CLCN3: variants seen among roughly 807,000 people sequenced by gnomAD.
CLCN3 encodes Cl-/H+ antiporter 3.
Under a neutral mutation model 83.4 loss-of-function variants are expected in CLCN3, and 16 were observed. That is an observed-to-expected ratio of 0.19 (90% CI 0.13 to 0.29). The LOEUF (loss-of-function observed/expected upper bound fraction) is 0.29. CLCN3 is among the 10% of genes least tolerant of loss of function. The probability of loss-of-function intolerance (pLI) is 1.00; values close to 1 mark genes in which losing one functional copy is unlikely to be tolerated. For missense variants in CLCN3, 544 were observed against 1,006.0 expected, an observed-to-expected ratio of 0.54 and a Z score of 6.21; for synonymous variants, 322 against 346.2, an observed-to-expected ratio of 0.93 and a Z score of 0.78.
At chr4:169,634,394 T>C (rs1481787268) in intron 1 of CLCN3, among the ~76,000 whole-genome samples, 1 of 152,256 alleles carries the variant, frequency 6.6e-6, no homozygotes, top group Non-Finnish European at 1.5e-5. Flanking sequence ...AATTAAATGA[T>C]TCTTAAGCTA....
At position 169,690,511 on chromosome 4, in the gene CLCN3, C is replaced by A; in HGVS notation, c.607-19C>A. The A allele has an allele frequency of 1.9e-6, 3 of 1,599,950 alleles. No individual in the cohort carries two copies. Among genetic ancestry groups the A allele is most frequent in the South Asian group, 2.3e-5 (2 of 88,226 alleles). On this transcript the variant is annotated intron_variant, in intron 5 of 12. Coordinates refer to ENST00000513761, the MANE Select transcript of CLCN3 (RefSeq NM_001829.4). ...GCAATGTAAATTAAATTCATACTCT[C>A]GAACTATTTTCTTTTTAGGGTCCTG... is the stretch of plus-strand genomic sequence containing the variant.
In CLCN3 at chr4:169,721,082, C is replaced by A. The variant is rs1462750906; in HGVS notation, c.*1085C>A. 2 of 152,244 alleles carry A rather than the reference C, an allele frequency of 1.3e-5. No individual in the cohort carries two copies. The highest frequency in any genetic ancestry group is 4.8e-5 in the African/African-American group (2 of 41,440). 9.4% of individuals were successfully genotyped at this position (152,244 alleles called of 1,614,324 possible). ...TTGAAATTAGATCAGTCATTCTTTT[C>A]TTTTCTCAAGATATCTCATGGCTGA... On this transcript the variant is annotated 3_prime_UTR_variant, in exon 13 of 13. Transcript: ENST00000513761.
At chr4:169,650,368 G>A (rs547386187) in intron 2 of CLCN3, among the ~76,000 whole-genome samples, 9 of 152,044 alleles carry the variant, frequency 5.9e-5, no homozygotes, top group Non-Finnish European at 1.2e-4. Context: ...CTTTGCTACA[G>A]AGTTTCAAAG....
At chr4:169,623,812 C>T (rs563011305) in intron 1 of CLCN3, among the ~76,000 whole-genome samples, 10 of 152,080 alleles carry the variant, frequency 6.6e-5, no homozygotes, top group African/African-American at 2.4e-4. Context: ...TTATGTCCTC[C>T]GGGTTAATCT....
At chr4:169,716,643 T>G (rs1733432469) in intron 12 of CLCN3, among the ~76,000 whole-genome samples, 1 of 152,164 alleles carries the variant, frequency 6.6e-6, no homozygotes, top group African/African-American at 2.4e-5. Flanking sequence ...TGAGAACTTT[T>G]AAGGATCGAT....
At chr4:169,697,883 G>C in intron 9 of CLCN3, 149 bp downstream of exon 9, 1 of 631,736 alleles carries the variant, frequency 1.6e-6, no homozygotes, top group East Asian at 2.7e-5. Context: ...TAATTCCTTA[G>C]CATATATTGT....
intron 2 of CLCN3, among the ~76,000 whole-genome samples, chr4:169,679,324 A>T (rs1320879164): frequency 6.7e-6 from 1 of 149,954 alleles, no homozygotes; most frequent in African/African-American, 2.5e-5. Flanking sequence ...CTCACTTCCT[A>T]GACGGGATGG....
intron 3 of CLCN3, among the ~76,000 whole-genome samples, chr4:169,681,003 C>T (rs1731915367): frequency 6.6e-6 from 1 of 152,138 alleles, no homozygotes; most frequent in Admixed American, 6.5e-5. Context: ...CGTACGCCAC[C>T]ATGCCTGGCT....
intron 11 of CLCN3, among the ~76,000 whole-genome samples, chr4:169,709,053 T>C (rs945072740): frequency 6.7e-6 from 1 of 148,326 alleles, no homozygotes; most frequent in African/African-American, 2.4e-5. Flanking sequence ...GAAAATTATG[T>C]ACGTAAATGT....
intron 2 of CLCN3, among the ~76,000 whole-genome samples, chr4:169,652,938 G>A (rs1730769112): frequency 1.3e-5 from 2 of 152,154 alleles, no homozygotes; most frequent in Non-Finnish European, 2.9e-5. Context: ...CTATTGGAGT[G>A]TCTATCTTAC....
chr4:169,646,110 T>C (rs1264466915), intron 2 of CLCN3, among the ~76,000 whole-genome samples: 3 of 152,218 alleles, frequency 2.0e-5, no homozygotes, highest in African/African-American at 7.2e-5. Flanking sequence ...GGGATATTCA[T>C]ATATAATGGG....
chr4:169,702,098 T>C (rs966836812), intron 9 of CLCN3, among the ~76,000 whole-genome samples: 1 of 152,166 alleles, frequency 6.6e-6, no homozygotes, highest in African/African-American at 2.4e-5. Context: ...GATCGCTAGT[T>C]TCAGGTGTTT....
intron 3 of CLCN3, among the ~76,000 whole-genome samples, chr4:169,682,700 C>T (rs1731992110): frequency 6.6e-6 from 1 of 152,166 alleles, no homozygotes; most frequent in African/African-American, 2.4e-5. Context: ...GTTTTTACTG[C>T]TTCATCAAAG....
At chr4:169,650,779 T>C (rs906047088) in intron 2 of CLCN3, among the ~76,000 whole-genome samples, 7 of 152,234 alleles carry the variant, frequency 4.6e-5, no homozygotes, top group African/African-American at 1.7e-4. Context: ...TGTTGCCAAC[T>C]ACTTTGTAAA....
intron 2 of CLCN3, among the ~76,000 whole-genome samples, chr4:169,679,016 A>G (rs1731799578): frequency 6.6e-6 from 1 of 151,626 alleles, no homozygotes; most frequent in Non-Finnish European, 1.5e-5. Flanking sequence ...CACCTCCCAG[A>G]CGGGGCGGCT....
intron 2 of CLCN3, among the ~76,000 whole-genome samples, chr4:169,645,966 TTC>T (rs1316973822): frequency 1.3e-5 from 2 of 152,206 alleles, no homozygotes; most frequent in Non-Finnish European, 2.9e-5. Flanking sequence ...TCCTAGTAAT[TTC>T]TGTTAGTTTG....
chr4:169,620,879 C>T lies in CLCN3; in HGVS notation c.-201C>T, dbSNP rs1773094568. On this transcript the variant is annotated 5_prime_UTR_variant, in exon 1 of 13. The change creates a premature stop within an existing upstream ORF in the 5' untranslated region. Transcript: ENST00000513761. ...GGAGGACAATAAAAGTCCCACCGGG[C>T]AAAATTTTCGTAACCTCTGCGGTAG... 6 of 398,560 alleles carry T rather than the reference C, an allele frequency of 1.5e-5. No homozygotes were observed. The highest frequency in any genetic ancestry group is 2.2e-5 in the Non-Finnish European group (5 of 226,042). The allele number at this position is 398,560 out of a possible 1,614,324, so 24.7% of individuals were successfully genotyped here.
In CLCN3 at chr4:169,723,144, G is replaced by A. The variant is rs544278748; in HGVS notation, c.*3147G>A. ...TATCATTACAGTAAAAACGACTACT[G>A]TGATGAGTTAATCAGAAAATCTATT... On this transcript the variant is annotated 3_prime_UTR_variant, in exon 13 of 13. Transcript: ENST00000513761. The A allele has an allele frequency of 2.0e-5, 3 of 152,280 alleles. No homozygotes were observed. The highest frequency in any genetic ancestry group is 4.8e-5 in the African/African-American group (2 of 41,544). 9.4% of individuals were successfully genotyped at this position (152,280 alleles called of 1,614,324 possible).
intron 10 of CLCN3, among the ~76,000 whole-genome samples, chr4:169,704,769 G>T (rs899911312): frequency 7.2e-5 from 11 of 152,078 alleles, no homozygotes; most frequent in African/African-American, 2.7e-4. Context: ...AGGAAAAAAT[G>T]GTTATTGCTT....
Sources: gnomAD v4.1 joint callset for allele counts (sites outside exome capture counted in the v4.1 genomes callset) on GRCh38, gnomAD v4.1.1 for gene constraint, MANE v1.5 for transcripts, NCBI Gene and HGNC (gene_info 2026-07-23, HGNC 2026-07-21) for gene names.